SPTBN4: variants seen among roughly 807,000 people sequenced by gnomAD.
The protein encoded by SPTBN4 is spectrin beta, non-erythrocytic 4.
A neutral mutation model predicts 277.8 loss-of-function variants in SPTBN4; 96 were observed. The observed-to-expected ratio is 0.35, with a 90% confidence interval of 0.29 to 0.41. The LOEUF is 0.41. Among genes scored for constraint, SPTBN4 ranks in the 10% least tolerant of loss-of-function variants. SPTBN4 has a pLI of 1.00. For synonymous variants in SPTBN4, 1,481 were observed against 1,580.3 expected (o/e 0.94, Z 1.49); for missense variants, 3,006 against 3,595.7 (o/e 0.84, Z 4.19).
Position 40,504,137 on chromosome 19 carries a change from C to CGGGG in SPTBN4, c.1665+7_1665+8insGGGG. The CGGGG allele has an allele frequency of 1.7e-6, 1 of 585,358 alleles. No individual in the cohort carries two copies. Among genetic ancestry groups the CGGGG allele is most frequent in the Non-Finnish European group, 2.4e-6 (1 of 422,676 alleles). 36.3% of individuals were successfully genotyped at this position (585,358 alleles called of 1,614,324 possible). On this transcript the variant is annotated splice_donor_region_variant and intron_variant, in intron 12 of 35. Coordinates refer to ENST00000598249, the MANE Select transcript of SPTBN4 (RefSeq NM_020971.3). ...GACTGGATGGAGGAGATGCAGGTGC[C>CGGGG]GGCGGGGGGGCGGGGATGCGGGTGG...
intron 17 of SPTBN4, among the ~76,000 whole-genome samples, chr19:40,528,524 C>T (rs760301987): frequency 2.0e-5 from 3 of 152,192 alleles, no homozygotes; most frequent in Non-Finnish European, 2.9e-5. Flanking sequence ...ACTCCTCTGC[C>T]TGTCTCTCTC....
chr19:40,530,615 G>A (rs2080655376), intron 18 of SPTBN4: 3 of 969,574 alleles, frequency 3.1e-6, no homozygotes, highest in Non-Finnish European at 3.7e-6. Context: ...CAGGGGAGGG[G>A]GTTGGCGCGC....
intron 27 of SPTBN4, among the ~76,000 whole-genome samples, chr19:40,561,561 CCTGTAATCCCAG>C (rs1320754566): frequency 6.6e-6 from 1 of 152,158 alleles, no homozygotes; most frequent in African/African-American, 2.4e-5. Flanking sequence ...GTGGCTCACG[CCTGTAATCCCAG>C]CACTTTGGGA....
chr19:40,522,348 A>ATT (rs567161952), intron 16 of SPTBN4, among the ~76,000 whole-genome samples: 4,969 of 117,622 alleles, frequency 0.042, 167 homozygotes, highest in African/African-American at 0.087. Context: ...ATAGTAACCA[A>ATT]TTTTTTTTTT....
intron 3 of SPTBN4, 49 bp downstream of exon 3, chr19:40,487,897 G>A (rs761424466): frequency 1.3e-6 from 2 of 1,519,514 alleles, no homozygotes; most frequent in Non-Finnish European, 1.8e-6. Flanking sequence ...GGGGTCTCAG[G>A]CTGGGGGTTG....
In SPTBN4 at chr19:40,513,133, C is replaced by G. The variant is rs777126852; in HGVS notation, c.2344C>G (p.Leu782Val). The G allele has an allele frequency of 4.1e-5, 61 of 1,490,076 alleles. No individual in the cohort carries two copies. The highest frequency in any genetic ancestry group is 4.3e-5 in the Non-Finnish European group (49 of 1,129,020). The allele number at this position is 1,490,076 out of a possible 1,614,324, so 92.3% of individuals were successfully genotyped here. Reference sequence around the variant, plus strand: ...GGCGCTGCACCAGTTCGGCGCTGACCTCGACGGGCTGCTGGACTGGCTTCG... The same window carrying G: ...GGCGCTGCACCAGTTCGGCGCTGACGTCGACGGGCTGCTGGACTGGCTTCG... ...ARALHQFGAD[L>V]DGLLDWLRDA... The change falls in exon 14 of 36, where the codon CTC becomes GTC. Residue 782 changes from leucine (L) to valine (V), a missense_variant. Transcript: ENST00000598249.
Position 40,502,784 on chromosome 19 carries a change from G to A in SPTBN4, c.1213G>A (p.Glu405Lys). ...CTCCCATCTCCTGCAGGCATGGGGT[G>A]AGCTGGAGAAGGCTGAGCATGAGCG... is the stretch of plus-strand genomic sequence containing the variant. ...GIWDIDKAWG[E>K]LEKAEHEREA... Residue 405 changes from glutamate to lysine, a missense_variant, in exon 11 of 36, where the codon GAG becomes AAG. Physicochemically the swap from Glu to Lys is moderately conservative, Grantham distance 56 (BLOSUM62 1). Transcript: ENST00000598249. The surrounding 1 kb of genome is among the most constrained non-coding windows in gnomAD (Gnocchi z 4.9). The A allele has an allele frequency of 6.2e-7, 1 of 1,613,872 alleles. No individual in the cohort carries two copies. The highest frequency in any genetic ancestry group is 8.5e-7 in the Non-Finnish European group (1 of 1,179,962).
chr19:40,492,622 G>A (rs963517474), intron 4 of SPTBN4, among the ~76,000 whole-genome samples: 1 of 152,138 alleles, frequency 6.6e-6, no homozygotes, highest in African/African-American at 2.4e-5. Context: ...TCTGCCATGT[G>A]GAGAACACAC....
chr19:40,570,507 A>G lies in SPTBN4; in HGVS notation c.7098A>G (p.Thr2366=). The stretch of plus-strand genomic sequence containing the variant: ...ACGGGCTTGAGCTGCCCGAGCGGAC[A>G]CCTCGGCCGGACCGGCCCCGGGCGC... ...LPNGLELPER[T]PRPDRPRARD... is the part of the protein sequence containing the mutation. Residue 2366 remains threonine (T), a synonymous_variant, in exon 33 of 36, where the codon ACA becomes ACG. Coordinates refer to ENST00000598249, the MANE Select transcript of SPTBN4 (RefSeq NM_020971.3). 1 of 1,528,500 alleles carries G rather than the reference A, an allele frequency of 6.5e-7. No homozygotes were observed. The highest frequency in any genetic ancestry group is 8.7e-7 in the Non-Finnish European group (1 of 1,146,316). 94.7% of individuals were successfully genotyped at this position (1,528,500 alleles called of 1,614,324 possible).
intron 1 of SPTBN4, among the ~76,000 whole-genome samples, chr19:40,469,954 T>C (rs2145793685): frequency 6.6e-6 from 1 of 151,614 alleles, no homozygotes. Flanking sequence ...AATTTCTTCT[T>C]TTTTTAAATA....
chr19:40,565,577 G>A lies in SPTBN4; in HGVS notation c.6054+16G>A, dbSNP rs2081083312. The A allele has an allele frequency of 2.5e-6, 4 of 1,611,370 alleles. No homozygotes were observed. The highest frequency in any genetic ancestry group is 3.4e-6 in the Non-Finnish European group (4 of 1,178,780). ...GGCTGATGAGGTGGGGAGCAGGGAG[G>A]GGGTCCCCCTCTGCCACCCGGGCAC... On this transcript the variant is annotated intron_variant, in intron 28 of 35. Coordinates refer to ENST00000598249, the MANE Select transcript of SPTBN4 (RefSeq NM_020971.3).
At chr19:40,526,994 T>C (rs1187029048) in intron 17 of SPTBN4, among the ~76,000 whole-genome samples, 2 of 152,200 alleles carry the variant, frequency 1.3e-5, no homozygotes, top group Non-Finnish European at 2.9e-5. Context: ...TGATTTCAGC[T>C]CAATTTCAGA....
intron 3 of SPTBN4, among the ~76,000 whole-genome samples, chr19:40,489,776 A>G (rs2145827746): frequency 7.0e-6 from 1 of 142,950 alleles, no homozygotes; most frequent in Admixed American, 6.7e-5. Flanking sequence ...GCGGGGCTTC[A>G]TGATGGGGGC....
Position 40,567,908 on chromosome 19 carries a change from G to A in SPTBN4, c.6582G>A (p.Arg2194=). 6.6e-7 allele frequency: 1 copy of A among 1,522,642 alleles called. No homozygotes were observed. 94.3% of individuals were successfully genotyped at this position (1,522,642 alleles called of 1,614,324 possible). The stretch of plus-strand genomic sequence containing the variant: ...AGCGCCTCCAGCCGCGCATTGACCG[G>A]CTGCCGGAGATCCCGGGGAGGGTGG... ...KPERLQPRID[R]LPEIPGRVEP... Residue 2194 remains arginine (R), a synonymous_variant, in exon 31 of 36, where the codon CGG becomes CGA. Transcript: ENST00000598249.
chr19:40,544,456 T>TTTTC (rs2080837226), intron 20 of SPTBN4, among the ~76,000 whole-genome samples: 1 of 142,194 alleles, frequency 7.0e-6, no homozygotes, highest in Non-Finnish European at 1.5e-5. Context: ...TTTTTTTTTT[T>TTTTC]TTTTTTTTGA....
At chr19:40,506,102 G>T (rs1454405736) in intron 12 of SPTBN4, 134 bp from the exon 13 acceptor site, 5 of 1,196,774 alleles carry the variant, frequency 4.2e-6, no homozygotes, top group Non-Finnish European at 5.6e-6. Context: ...TCTTGAGGCT[G>T]GTCCATATCT....
In SPTBN4 at chr19:40,554,387, G is replaced by T; in HGVS notation, c.4915G>T (p.Glu1639Ter). The change falls in exon 23 of 36, where the codon GAG becomes TAG. Residue 1639 changes from glutamate to a stop codon, truncating the protein, a stop_gained. Transcript: ENST00000598249. LOFTEE classifies it high-confidence loss of function. The surrounding 1 kb of genome is among the most constrained non-coding windows in gnomAD (Gnocchi z 5.7). ...DVAEVEAWLG[E>*]QELLMMSEDK... ...GGCTGAGGTGGAGGCGTGGCTGGGC[G>T]AGCAGGAGCTGCTCATGATGAGTGA... The T allele has an allele frequency of 6.3e-7, 1 of 1,589,120 alleles. No homozygotes were observed. Among genetic ancestry groups the T allele is most frequent in the South Asian group, 1.1e-5 (1 of 88,152 alleles).
At chr19:40,478,179 C>T (rs1229454895) in intron 2 of SPTBN4, among the ~76,000 whole-genome samples, 1 of 152,008 alleles carries the variant, frequency 6.6e-6, no homozygotes, top group Non-Finnish European at 1.5e-5. Context: ...TACCAGGGAG[C>T]TATGGAAAGA....
In SPTBN4 at chr19:40,515,208, A is replaced by C; in HGVS notation, c.2766-103A>C. On this transcript the variant is annotated intron_variant, in intron 14 of 35. Transcript: ENST00000598249. The surrounding 1 kb of genome is among the most constrained non-coding windows in gnomAD (Gnocchi z 4.1). ...AGAAGGAGCCCACAAAGGAGGCTGA[A>C]AAGAAGGGTGGATTGAGAATTAGGA... 7.4e-7 allele frequency: 1 copy of C among 1,342,762 alleles called. No homozygotes were observed. The allele number at this position is 1,342,762 out of a possible 1,614,324, so 83.2% of individuals were successfully genotyped here. A position where few individuals can be genotyped will look rare whatever the true frequency, so the allele number is the denominator to read the frequency against.
Sources: allele counts gnomAD v4.1 joint callset (sites outside exome capture counted in the v4.1 genomes callset), GRCh38; gene constraint gnomAD v4.1.1; non-coding constraint Gnocchi (gnomAD v3.1); transcripts MANE v1.5; gene names NCBI Gene and HGNC (gene_info 2026-07-23, HGNC 2026-07-21).